TTC21B: variants seen among roughly 807,000 people sequenced by gnomAD.
TTC21B encodes the protein tetratricopeptide repeat domain 21B.
Under a neutral mutation model 175.1 loss-of-function variants are expected in TTC21B, and 127 were observed. The observed-to-expected ratio is 0.73, with a 90% CI of 0.63 to 0.84. TTC21B has a LOEUF of 0.84. TTC21B is among the 40% of genes least tolerant of loss of function. The pLI, the probability that TTC21B is intolerant of heterozygous loss-of-function variation, is 0.00. For missense variants in TTC21B, 1,561 were observed against 1,558.3 expected (o/e 1.00, Z -0.03); for synonymous variants, 524 against 524.5 (o/e 1.00, Z 0.01).
At position 165,913,579 on chromosome 2, in the gene TTC21B, G is replaced by C. The variant is rs992841163; in HGVS notation, c.2206C>G (p.Leu736Val). 1 of 1,609,834 alleles carries C rather than the reference G, an allele frequency of 6.2e-7. No individual in the cohort carries two copies. The highest frequency in any genetic ancestry group is 8.5e-7 in the Non-Finnish European group (1 of 1,176,602). ...AGTAACATCAGAAATTTTACCTCTAGAATATTCATGTATGCATCACCAAGG... is the reference window on the plus strand; with the variant it reads ...AGTAACATCAGAAATTTTACCTCTACAATATTCATGTATGCATCACCAAGG... ...LLLGDAYMNILEPEEAIVAYE... is the reference protein window; with the variant it reads ...LLLGDAYMNIVEPEEAIVAYE... The change falls in exon 16 of 29, where the codon CTA becomes GTA. Residue 736 changes from leucine to valine, a missense_variant. By Grantham distance (32) the Leu-to-Val change is conservative. Transcript: ENST00000243344.
intron 1 of TTC21B, among the ~76,000 whole-genome samples, chr2:165,951,324 C>T (rs1687755869): frequency 6.6e-6 from 1 of 152,066 alleles, no homozygotes; most frequent in Non-Finnish European, 1.5e-5. Flanking sequence ...TCAGTCTGCT[C>T]ATTTATAAAA....
intron 5 of TTC21B, among the ~76,000 whole-genome samples, chr2:165,941,837 A>G (rs2105361490): frequency 6.6e-6 from 1 of 152,306 alleles, no homozygotes; most frequent in Admixed American, 6.5e-5. Context: ...ATAAATTTGT[A>G]GACGTAGATT....
intron 19 of TTC21B, among the ~76,000 whole-genome samples, chr2:165,905,358 T>TA (rs1430493247): frequency 6.6e-5 from 10 of 152,054 alleles, no homozygotes; most frequent in African/African-American, 2.4e-4. Context: ...TATTAAATGT[T>TA]AAAAAAACTA....
At chr2:165,943,443 G>A in intron 4 of TTC21B, 102 bp from the exon 5 acceptor site, 2 of 913,500 alleles carry the variant, frequency 2.2e-6, no homozygotes, top group African/African-American at 1.7e-5. Flanking sequence ...TAACAAAAAG[G>A]ACTCTATCAA....
Position 165,915,334 on chromosome 2 carries a change from C to G in TTC21B, c.2005G>C (p.Asp669His), listed in dbSNP as rs1406594364. The change falls in exon 15 of 29, where the codon GAT becomes CAT. Residue 669 changes from aspartate (D) to histidine (H), a missense_variant. Physicochemically the swap from Asp to His is moderately conservative, Grantham distance 81. Coordinates refer to ENST00000243344, the MANE Select transcript of TTC21B (RefSeq NM_024753.5). ...ANADLALAQG[D>H]IERALSILQN... ...AGGATGCTTAAAGCCCGTTCAATAT[C>G]TCCTTGGGCTAGAGCAAGGTCTGCA... The G allele has an allele frequency of 9.3e-6, 15 of 1,614,102 alleles. No individual in the cohort carries two copies. The highest frequency in any genetic ancestry group is 1.3e-5 in the Non-Finnish European group (15 of 1,180,000).
At chr2:165,949,539 T>G in intron 2 of TTC21B, 35 bp from the exon 3 acceptor site, 3 of 1,613,746 alleles carry the variant, frequency 1.9e-6, no homozygotes, top group Non-Finnish European at 2.5e-6. Flanking sequence ...AAAACTGTTC[T>G]TAGTGCAAAG....
intron 6 of TTC21B, among the ~76,000 whole-genome samples, chr2:165,940,389 A>G (rs1687321221): frequency 6.6e-6 from 1 of 151,996 alleles, no homozygotes; most frequent in Non-Finnish European, 1.5e-5. Flanking sequence ...AAAACCCCAA[A>G]TCCTTACATG....
intron 17 of TTC21B, 50 bp downstream of exon 17, chr2:165,912,464 G>A (rs777879832): frequency 2.2e-6 from 3 of 1,386,564 alleles, no homozygotes; most frequent in Non-Finnish European, 3.1e-6. Flanking sequence ...CGAGGACAGG[G>A]TATGATAAAT....
chr2:165,932,886 T>A, intron 7 of TTC21B, 87 bp downstream of exon 7: 2 of 1,153,540 alleles, frequency 1.7e-6, no homozygotes, highest in South Asian at 1.3e-5. Context: ...AAGGCTTTAA[T>A]GTATATGCAC....
At chr2:165,933,585 A>G (rs1174076806) in intron 6 of TTC21B, among the ~76,000 whole-genome samples, 1 of 152,250 alleles carries the variant, frequency 6.6e-6, no homozygotes, top group Non-Finnish European at 1.5e-5. Context: ...TAAAATTCCT[A>G]TGAAACTGTA....
intron 22 of TTC21B, among the ~76,000 whole-genome samples, chr2:165,897,514 G>C (rs1032134474): frequency 6.6e-6 from 1 of 152,172 alleles, no homozygotes; most frequent in Non-Finnish European, 1.5e-5. Context: ...AGCAAACTTA[G>C]AGGCGAGGGA....
intron 27 of TTC21B, chr2:165,879,774 AT>A (rs1210078217): frequency 1.3e-5 from 2 of 152,162 alleles, no homozygotes; most frequent in East Asian, 1.9e-4. Flanking sequence ...TAAAAAAAAA[AT>A]AATTATTAAA....
At chr2:165,887,623 G>C (rs533166432) in intron 25 of TTC21B, among the ~76,000 whole-genome samples, 16 of 152,004 alleles carry the variant, frequency 1.1e-4, no homozygotes, top group African/African-American at 3.6e-4. Context: ...GGAGGCGGAG[G>C]TTGCAGTGAG....
chr2:165,876,413 G>A (rs1422489459), intron 27 of TTC21B, among the ~76,000 whole-genome samples, 181 bp from the exon 28 acceptor site: 1 of 152,160 alleles, frequency 6.6e-6, no homozygotes, highest in African/African-American at 2.4e-5. Flanking sequence ...CACAAAAGAA[G>A]TGTAAGAAGA....
chr2:165,918,929 T>C (rs1686284611), intron 13 of TTC21B, among the ~76,000 whole-genome samples: 1 of 152,210 alleles, frequency 6.6e-6, no homozygotes, highest in Non-Finnish European at 1.5e-5. Flanking sequence ...TACATAAAAA[T>C]ATTTGACATA....
At chr2:165,904,030 T>C (rs1456364070) in intron 19 of TTC21B, among the ~76,000 whole-genome samples, 1 of 152,196 alleles carries the variant, frequency 6.6e-6, no homozygotes, top group African/African-American at 2.4e-5. Flanking sequence ...GCTGGCATTG[T>C]CTAGCCATGG....
At chr2:165,944,211 T>C (rs2105364276) in intron 4 of TTC21B, among the ~76,000 whole-genome samples, 1 of 152,262 alleles carries the variant, frequency 6.6e-6, no homozygotes, top group East Asian at 1.9e-4. Context: ...TTTTTCTTTT[T>C]CCAGAAATTC....
intron 1 of TTC21B, 169 bp from the exon 2 acceptor site, chr2:165,949,893 T>A: frequency 1.7e-6 from 1 of 597,236 alleles, no homozygotes; most frequent in South Asian, 2.2e-5. Context: ...ATGCTAAGGA[T>A]TGCAGAACTG....
At position 165,913,604 on chromosome 2, in the gene TTC21B, G is replaced by C; in HGVS notation, c.2181C>G (p.Leu727=). The C allele has an allele frequency of 6.2e-7, 1 of 1,612,966 alleles. No homozygotes were observed. Among genetic ancestry groups the C allele is most frequent in the Non-Finnish European group, 8.5e-7 (1 of 1,179,276 alleles). ...GAATATTCATGTATGCATCACCAAG[G>C]AGAAGAAAAGACCGAGGGTTAGCCA... is the stretch of plus-strand genomic sequence containing the variant. The part of the protein sequence containing the change: ...ERMANPRSFL[L]LGDAYMNILE... Residue 727 remains leucine (L), a synonymous_variant, in exon 16 of 29, where the codon CTC becomes CTG. Transcript: ENST00000243344.
Sources: allele counts gnomAD v4.1 joint callset (sites outside exome capture counted in the v4.1 genomes callset), GRCh38; gene constraint gnomAD v4.1.1; transcripts MANE v1.5; gene names NCBI Gene and HGNC (gene_info 2026-07-23, HGNC 2026-07-21).